The following SPPL3 variants were observed in gnomAD, a reference collection of about 807,000 sequenced individuals.
SPPL3 encodes the protein signal peptide peptidase-like 3.
A neutral mutation model predicts 42.4 loss-of-function variants in SPPL3; 5 were observed. The ratio of observed to expected loss-of-function variants is 0.12; its 90% CI spans 0.06 to 0.25. SPPL3 has a LOEUF of 0.25. Among genes scored for constraint, SPPL3 ranks in the 10% least tolerant of loss-of-function variants. SPPL3 has a pLI of 1.00. For missense variants in SPPL3, 235 were observed against 489.0 expected, an observed-to-expected ratio of 0.48 and a Z score of 4.90; for synonymous variants, 195 against 181.8, an observed-to-expected ratio of 1.07 and a Z score of -0.58.
rs1250299878 is a variant in SPPL3 at position 120,764,835 on chromosome 12, C to G, written c.*164G>C. On this transcript the variant is annotated 3_prime_UTR_variant, in exon 11 of 11. Coordinates refer to ENST00000353487, the MANE Select transcript of SPPL3 (RefSeq NM_139015.5). ...AAGGAACCAAACAGGGCTCCAGCAC[C>G]TCTCTCCTGCAAACGAGCTCCCTTT... is the stretch of plus-strand genomic sequence containing the variant. 6.9e-6 allele frequency: 5 copies of G among 729,348 alleles called. No individual in the cohort carries two copies. In the Admixed American group the frequency reaches 1.5e-4, roughly 22 times the overall value. 45.2% of individuals were successfully genotyped at this position (729,348 alleles called of 1,614,324 possible). A position where few individuals can be genotyped will look rare whatever the true frequency, so the allele number is the denominator to read the frequency against.
rs773293770 is a variant in SPPL3 at position 120,784,466 on chromosome 12, A to G, written c.310+8T>C. On this transcript the variant is annotated splice_region_variant and intron_variant, in intron 4 of 10. Coordinates refer to ENST00000353487, the MANE Select transcript of SPPL3 (RefSeq NM_139015.5). ...ATGTTAAGACTAGACAGAGAAACTC[A>G]TATTTACCTGCTGTACATATTGTAA... The G allele has an allele frequency of 1.1e-5, 17 of 1,584,596 alleles. No homozygotes were observed. Among genetic ancestry groups the G allele is most frequent in the Non-Finnish European group, 1.2e-5 (14 of 1,169,660 alleles).
At chr12:120,879,994 T>C (rs893700915) in intron 1 of SPPL3, among the ~76,000 whole-genome samples, 13 of 151,628 alleles carry the variant, frequency 8.6e-5, no homozygotes, top group African/African-American at 2.9e-4. Context: ...TTTTTTTTTT[T>C]CACTTTTCAT....
At chr12:120,862,447 A>G (rs1239981020) in intron 1 of SPPL3, among the ~76,000 whole-genome samples, 1 of 152,078 alleles carries the variant, frequency 6.6e-6, no homozygotes, top group Admixed American at 6.5e-5. Flanking sequence ...CGTACTTCTG[A>G]CTCATCAGCT....
At chr12:120,903,276 C>CG (rs1002975073) in intron 1 of SPPL3, 20 of 152,848 alleles carry the variant, frequency 1.3e-4, no homozygotes, top group Non-Finnish European at 2.2e-4. Flanking sequence ...GGACTCTACC[C>CG]CCGCAGTTTT....
At chr12:120,811,086 C>T (rs1303227910) in intron 1 of SPPL3, 200 bp from the exon 2 acceptor site, 1 of 432,802 alleles carries the variant, frequency 2.3e-6, no homozygotes, top group Non-Finnish European at 4.1e-6. Context: ...GGTAGGTTTA[C>T]AGCTATTATT....
chr12:120,890,057 C>T (rs1236376469), intron 1 of SPPL3, among the ~76,000 whole-genome samples: 1 of 150,570 alleles, frequency 6.6e-6, no homozygotes, highest in Admixed American at 6.6e-5. Flanking sequence ...ACCAGACTGA[C>T]CAACATGGAG....
intron 2 of SPPL3, among the ~76,000 whole-genome samples, chr12:120,796,655 C>T (rs1173300797): frequency 6.6e-6 from 1 of 152,080 alleles, no homozygotes; most frequent in Admixed American, 6.5e-5. Flanking sequence ...AGATACCTGG[C>T]TTTATTTTTG....
chr12:120,790,860 T>C (rs1869891898), intron 3 of SPPL3, among the ~76,000 whole-genome samples: 1 of 149,148 alleles, frequency 6.7e-6, no homozygotes, highest in Non-Finnish European at 1.5e-5. Flanking sequence ...TTCGCTCTTG[T>C]TGCCCAGGCT....
chr12:120,894,199 C>T (rs1873729698), intron 1 of SPPL3, among the ~76,000 whole-genome samples: 1 of 152,114 alleles, frequency 6.6e-6, no homozygotes, highest in South Asian at 2.1e-4. Context: ...TGGCGCATGC[C>T]CGTTATCCCA....
intron 6 of SPPL3, chr12:120,769,278 G>C (rs924947562): frequency 4.0e-5 from 18 of 452,052 alleles, no homozygotes; most frequent in African/African-American, 3.6e-4. Context: ...CCTCCTCCTA[G>C]ACATAGTGCT....
At chr12:120,891,523 T>G (rs1177471204) in intron 1 of SPPL3, among the ~76,000 whole-genome samples, 4 of 151,792 alleles carry the variant, frequency 2.6e-5, no homozygotes, top group African/African-American at 9.7e-5. Flanking sequence ...AACGGCAAAA[T>G]AAGTTTCTAT....
chr12:120,863,639 T>G (rs561078479), intron 1 of SPPL3, among the ~76,000 whole-genome samples: 1 of 152,290 alleles, frequency 6.6e-6, no homozygotes, highest in East Asian at 1.9e-4. Flanking sequence ...GAAATGAAAT[T>G]CTACAGATGG....
intron 1 of SPPL3, among the ~76,000 whole-genome samples, chr12:120,898,526 G>A (rs1366534950): frequency 6.6e-6 from 1 of 151,846 alleles, no homozygotes; most frequent in Admixed American, 6.6e-5. Flanking sequence ...TTCTAAGTGT[G>A]GCCAAAACCC....
rs1056331078 is a variant in SPPL3 at position 120,814,091 on chromosome 12, C to CA, written c.24-3206dup. Reference sequence around the variant, plus strand: ...AAAATAAAACATGGGAGGGATACACCAAAAAAAAGGTAGACTTTTTAAAAT... The same window carrying CA: ...AAAATAAAACATGGGAGGGATACACCAAAAAAAAAGGTAGACTTTTTAAAAT... On this transcript the variant is annotated intron_variant, in intron 1 of 10. Transcript: ENST00000353487. 5.3e-5 allele frequency among the ~76,000 whole-genome samples: 8 copies of CA among 151,336 alleles called. 1 individual carries two copies. The East Asian group carries it at 7.7e-4, about 15-fold the overall frequency.
At chr12:120,857,055 C>T (rs1010965435) in intron 1 of SPPL3, among the ~76,000 whole-genome samples, 1 of 152,076 alleles carries the variant, frequency 6.6e-6, no homozygotes, top group African/African-American at 2.4e-5. Flanking sequence ...GAACAGAATC[C>T]AGCAGAACAG....
chr12:120,881,530 G>A (rs1164384268), intron 1 of SPPL3, among the ~76,000 whole-genome samples: 1 of 141,654 alleles, frequency 7.1e-6, no homozygotes, highest in African/African-American at 2.7e-5. Flanking sequence ...ATTGCCATAC[G>A]AGATTGAGCA....
At chr12:120,795,143 A>G (rs1276851518) in intron 2 of SPPL3, among the ~76,000 whole-genome samples, 5 of 152,110 alleles carry the variant, frequency 3.3e-5, no homozygotes, top group South Asian at 2.1e-4. Context: ...TCATCTTGCT[A>G]TGTTGCCCAG....
intron 1 of SPPL3, among the ~76,000 whole-genome samples, chr12:120,823,966 G>A (rs1399238910): frequency 6.6e-6 from 1 of 151,938 alleles, no homozygotes; most frequent in African/African-American, 2.4e-5. Context: ...CGCCTCCCGG[G>A]TTCACACCAT....
chr12:120,791,559 T>A lies in SPPL3; in HGVS notation c.102-2A>T. 6.3e-7 allele frequency: 1 copy of A among 1,590,934 alleles called. No homozygotes were observed. The highest frequency in any genetic ancestry group is 8.5e-7 in the Non-Finnish European group (1 of 1,173,988). On this transcript the variant is annotated splice_acceptor_variant, in intron 2 of 10. Coordinates refer to ENST00000353487, the MANE Select transcript of SPPL3 (RefSeq NM_139015.5). LOFTEE classifies it high-confidence loss of function. ...TTTTCAAAGTCCATATTAAGGGACC[T>A]GTGGAAAAAAATTTTGTAGTTAAGT...
Sources: gnomAD v4.1 joint callset for allele counts (sites outside exome capture counted in the v4.1 genomes callset) on GRCh38, gnomAD v4.1.1 for gene constraint, MANE v1.5 for transcripts, NCBI Gene and HGNC (gene_info 2026-07-23, HGNC 2026-07-21) for gene names.